Variants in CTNNA2 observed in about 807,000 individuals in gnomAD.
CTNNA2 encodes catenin alpha 2.
In CTNNA2, 42 loss-of-function variants were observed where a neutral mutation model predicts 101.0. The ratio of observed to expected loss-of-function variants is 0.42; its 90% confidence interval spans 0.32 to 0.54. The LOEUF (loss-of-function observed/expected upper bound fraction) is 0.54, where lower values mean the gene tolerates loss of function less well. Ranked by LOEUF, CTNNA2 falls within the 20% of genes least tolerant of loss-of-function variation. The probability of loss-of-function intolerance (pLI) is 0.14; values close to 1 mark genes in which losing one functional copy is unlikely to be tolerated. For missense variants in CTNNA2, 871 were observed against 1,223.1 expected, an observed-to-expected ratio of 0.71 and a Z score of 4.29; for synonymous variants, 450 against 456.4, an observed-to-expected ratio of 0.99 and a Z score of 0.18.
At chr2:79,380,731 T>A (rs773799707) in intron 4 of CTNNA2, among the ~76,000 whole-genome samples, 13 of 152,200 alleles carry the variant, frequency 8.5e-5, no homozygotes, top group African/African-American at 1.4e-4. Flanking sequence ...TTACCAAGTA[T>A]ATAAAACAGG....
chr2:80,578,993 C>T (rs1486218353), intron 13 of CTNNA2: 4 of 152,046 alleles, frequency 2.6e-5, no homozygotes. Context: ...AAAGCATTTT[C>T]CTATACATCT....
intron 1 of CTNNA2, among the ~76,000 whole-genome samples, chr2:79,647,768 A>G (rs1200674878): frequency 2.6e-5 from 4 of 152,218 alleles, no homozygotes; most frequent in Non-Finnish European, 2.9e-5. Context: ...CATGCAACAT[A>G]CAACAGCAGG....
At chr2:79,547,583 A>C (rs1401625258) in intron 1 of CTNNA2, 1 of 152,182 alleles carries the variant, frequency 6.6e-6, no homozygotes, top group South Asian at 2.1e-4. Context: ...GAATTATCTG[A>C]TGCATAATAA....
intron 7 of CTNNA2, among the ~76,000 whole-genome samples, chr2:79,966,238 C>A (rs1330394911): frequency 6.6e-6 from 1 of 151,854 alleles, no homozygotes; most frequent in Non-Finnish European, 1.5e-5. Context: ...ATATGTGTGA[C>A]TAGAATCTTT....
intron 7 of CTNNA2, among the ~76,000 whole-genome samples, chr2:80,331,373 C>T (rs1174497013): frequency 1.3e-5 from 2 of 152,220 alleles, no homozygotes; most frequent in African/African-American, 4.8e-5. Flanking sequence ...CTCTCCAATT[C>T]AGCCTGGTGT....
At chr2:79,786,490 T>A (rs965125533) in intron 3 of CTNNA2, among the ~76,000 whole-genome samples, 1 of 151,216 alleles carries the variant, frequency 6.6e-6, no homozygotes, top group East Asian at 1.9e-4. Context: ...AGTAAAGATA[T>A]TTTTTTTTCT....
intron 1 of CTNNA2, among the ~76,000 whole-genome samples, chr2:79,649,068 C>A (rs1451566044): frequency 6.6e-6 from 1 of 151,966 alleles, no homozygotes; most frequent in Non-Finnish European, 1.5e-5. Context: ...ACTGAAGGCC[C>A]TAACTAACAC....
At chr2:79,334,160 G>A (rs115996250) in intron 3 of CTNNA2, among the ~76,000 whole-genome samples, 4,744 of 152,176 alleles carry the variant, frequency 0.031, 93 homozygotes, top group Non-Finnish European at 0.041. Context: ...ACTCTATAGC[G>A]CTGCAGAACA....
chr2:79,372,342 T>G (rs2104455710), intron 3 of CTNNA2, among the ~76,000 whole-genome samples: 1 of 152,238 alleles, frequency 6.6e-6, no homozygotes, highest in Non-Finnish European at 1.5e-5. Context: ...CATGTTAGAG[T>G]TACCTACTCA....
chr2:80,105,185 T>C (rs1194333195), intron 7 of CTNNA2, among the ~76,000 whole-genome samples: 2 of 152,220 alleles, frequency 1.3e-5, no homozygotes, highest in Admixed American at 6.5e-5. Flanking sequence ...AACAGAATGA[T>C]TGATCATGTT....
At position 80,559,878 on chromosome 2, in the gene CTNNA2, T is replaced by TATATC. The variant is rs1693393440; in HGVS notation, c.1741+3985_1741+3986insATATC. Among the ~76,000 whole-genome samples, 233 of 114,018 alleles carry TATATC rather than the reference T, an allele frequency of 2.0e-3. 4 individuals carry two copies. The highest frequency in any genetic ancestry group is 6.5e-3 in the African/African-American group (217 of 33,132). The allele number at this position is 114,018 out of a possible 152,430, so 74.8% of individuals were successfully genotyped here. On this transcript the variant is annotated intron_variant, in intron 12 of 18. Coordinates refer to ENST00000402739, the MANE Select transcript of CTNNA2 (RefSeq NM_001282597.3). ...GAAAGCACATTCAGCGATATCATATTTATATATATATATACACACACATAC... is the reference window on the plus strand; with the variant it reads ...GAAAGCACATTCAGCGATATCATATTATATCTATATATATATATACACACACATAC...
At chr2:80,414,852 C>G (rs1344571277) in intron 8 of CTNNA2, among the ~76,000 whole-genome samples, 1 of 152,130 alleles carries the variant, frequency 6.6e-6, no homozygotes, top group African/African-American at 2.4e-5. Flanking sequence ...ATTCCTCAAA[C>G]TTTATACTGT....
intron 12 of CTNNA2, among the ~76,000 whole-genome samples, chr2:80,572,049 A>G (rs1047745883): frequency 2.6e-5 from 4 of 152,086 alleles, no homozygotes; most frequent in Non-Finnish European, 5.9e-5. Flanking sequence ...AATGCCCCAA[A>G]TCACAGGGAG....
At chr2:80,217,084 G>T (rs569988688) in intron 7 of CTNNA2, among the ~76,000 whole-genome samples, 1 of 151,772 alleles carries the variant, frequency 6.6e-6, no homozygotes, top group Non-Finnish European at 1.5e-5. Flanking sequence ...TGCCCACCTC[G>T]GCCTCCCAAA....
rs188129868 is a variant in CTNNA2 at position 79,634,999 on chromosome 2, C to T, written c.-5-16553C>T. Among the ~76,000 whole-genome samples, 195 of 152,072 alleles carry T rather than the reference C, an allele frequency of 1.3e-3. 3 individuals are homozygous for T. Among genetic ancestry groups the T allele is most frequent in the Admixed American group, 0.011 (164 of 15,264 alleles). ...AGTGACATGATGTCATTCATATTTG[C>T]GAAAACCATTATGGCTGTGGGATAA... On this transcript the variant is annotated intron_variant, in intron 1 of 18. Transcript: ENST00000402739.
chr2:79,377,845 A>G (rs1677995090), intron 4 of CTNNA2, among the ~76,000 whole-genome samples: 1 of 152,154 alleles, frequency 6.6e-6, no homozygotes, highest in Admixed American at 6.6e-5. Flanking sequence ...TGATGCAAAC[A>G]TGAAGCACCT....
intron 2 of CTNNA2, among the ~76,000 whole-genome samples, chr2:79,733,583 A>G (rs945769936): frequency 2.0e-5 from 3 of 152,006 alleles, no homozygotes; most frequent in African/African-American, 7.2e-5. Flanking sequence ...CATCCCTGCA[A>G]TTCCTGAATT....
intron 7 of CTNNA2, among the ~76,000 whole-genome samples, chr2:80,133,669 A>G (rs1401735635): frequency 6.6e-6 from 1 of 152,200 alleles, no homozygotes; most frequent in Non-Finnish European, 1.5e-5. Context: ...GTTCACCTAC[A>G]ATTTACAGAG....
chr2:79,301,370 G>A (rs555861238), intron 2 of CTNNA2, among the ~76,000 whole-genome samples: 9 of 152,264 alleles, frequency 5.9e-5, no homozygotes, highest in African/African-American at 2.2e-4. Flanking sequence ...AGATGTCCAA[G>A]GCCAAGCTGA....
Sources: gnomAD v4.1 joint callset for allele counts (sites outside exome capture counted in the v4.1 genomes callset) on GRCh38, gnomAD v4.1.1 for gene constraint, MANE v1.5 for transcripts, NCBI Gene and HGNC (gene_info 2026-07-23, HGNC 2026-07-21) for gene names.